CNTN5: variants seen among roughly 807,000 people sequenced by gnomAD.
The protein encoded by CNTN5 is contactin 5.
In CNTN5, 77 loss-of-function variants were observed where a neutral mutation model predicts 129.1. The observed-to-expected ratio is 0.60, with a 90% CI of 0.50 to 0.72. CNTN5 has a LOEUF of 0.72. Ranked by LOEUF, CNTN5 falls within the 30% of genes least tolerant of loss-of-function variation. CNTN5 has a pLI of 0.00. For missense variants in CNTN5, 1,478 were observed against 1,328.8 expected, an observed-to-expected ratio of 1.11 and a Z score of -1.75; for synonymous variants, 509 against 465.6, an observed-to-expected ratio of 1.09 and a Z score of -1.20.
chr11:99,658,633 A>C (rs2135907771), intron 3 of CNTN5, among the ~76,000 whole-genome samples: 1 of 148,934 alleles, frequency 6.7e-6, no homozygotes. Flanking sequence ...GCACTTTGGG[A>C]GGCTGAGACA....
intron 3 of CNTN5, among the ~76,000 whole-genome samples, chr11:99,670,797 T>A (rs1413982846): frequency 5.3e-5 from 8 of 152,188 alleles, no homozygotes; most frequent in Non-Finnish European, 1.0e-4. Flanking sequence ...TGCTGCCAAC[T>A]AACTGTGCTG....
At chr11:99,442,642 T>C (rs1168901149) in intron 2 of CNTN5, among the ~76,000 whole-genome samples, 1 of 152,238 alleles carries the variant, frequency 6.6e-6, no homozygotes, top group East Asian at 1.9e-4. Context: ...AATATGTCTG[T>C]GACTCCTGCA....
intron 16 of CNTN5, among the ~76,000 whole-genome samples, chr11:100,255,364 A>T (rs970161716): frequency 7.3e-6 from 1 of 137,646 alleles, no homozygotes; most frequent in Non-Finnish European, 1.6e-5. Context: ...TATTTTAGTA[A>T]GGATGAGATT....
intron 6 of CNTN5, among the ~76,000 whole-genome samples, chr11:99,877,554 C>T (rs1948665618): frequency 6.6e-6 from 1 of 152,096 alleles, no homozygotes; most frequent in Non-Finnish European, 1.5e-5. Flanking sequence ...TCTGCATTTC[C>T]AATCAACCAT....
At chr11:100,286,753 G>A (rs1369463624) in intron 18 of CNTN5, among the ~76,000 whole-genome samples, 6 of 145,276 alleles carry the variant, frequency 4.1e-5, no homozygotes, top group African/African-American at 1.6e-4. Context: ...AAAGCTGGAT[G>A]GAGAATGACT....
At chr11:99,518,250 T>C (rs7944648) in intron 2 of CNTN5, among the ~76,000 whole-genome samples, 13,346 of 152,112 alleles carry the variant, frequency 0.088, 799 homozygotes, top group African/African-American at 0.17. Flanking sequence ...CCAGTAGGTG[T>C]CATTCACAGG....
At chr11:100,200,425 G>C (rs139837056) in intron 15 of CNTN5, among the ~76,000 whole-genome samples, 1 of 151,932 alleles carries the variant, frequency 6.6e-6, no homozygotes, top group East Asian at 1.9e-4. Context: ...CTATATTGTC[G>C]TAGGTATACA....
intron 8 of CNTN5, among the ~76,000 whole-genome samples, chr11:99,981,076 G>GAATATATATA (rs1385717951): frequency 1.6e-4 from 2 of 12,334 alleles, no homozygotes; most frequent in African/African-American, 2.3e-4. Flanking sequence ...AGAGCCAATA[G>GAATATATATA]GATATATATA....
intron 1 of CNTN5, among the ~76,000 whole-genome samples, chr11:99,197,497 C>CATACA (rs1858962317): frequency 6.6e-6 from 1 of 152,030 alleles, no homozygotes. Context: ...TATGTATCTA[C>CATACA]TCAATAATAC....
At chr11:100,108,613 T>A (rs1349212275) in intron 13 of CNTN5, among the ~76,000 whole-genome samples, 1 of 152,196 alleles carries the variant, frequency 6.6e-6, no homozygotes. Context: ...TTGGAACACT[T>A]TCTCTTTGAG....
At chr11:99,785,883 C>T (rs1945503001) in intron 3 of CNTN5, among the ~76,000 whole-genome samples, 1 of 152,092 alleles carries the variant, frequency 6.6e-6, no homozygotes, top group Non-Finnish European at 1.5e-5. Context: ...TTATGACAAA[C>T]TCACAGCCAA....
At chr11:99,342,859 A>C (rs936466556) in intron 2 of CNTN5, among the ~76,000 whole-genome samples, 1 of 152,178 alleles carries the variant, frequency 6.6e-6, no homozygotes, top group African/African-American at 2.4e-5. Context: ...GACAAACTTA[A>C]GGTGTTGTTC....
chr11:99,089,113 A>G (rs1181517404), intron 1 of CNTN5, among the ~76,000 whole-genome samples: 1 of 152,140 alleles, frequency 6.6e-6, no homozygotes, highest in African/African-American at 2.4e-5. Flanking sequence ...ATATTAGTAA[A>G]TTCATGAGAG....
At chr11:100,158,400 A>C (rs2138346162) in intron 13 of CNTN5, among the ~76,000 whole-genome samples, 1 of 152,016 alleles carries the variant, frequency 6.6e-6, no homozygotes, top group Non-Finnish European at 1.5e-5. Context: ...CACACAAAAT[A>C]ACTTCAAGGT....
intron 20 of CNTN5, among the ~76,000 whole-genome samples, chr11:100,300,421 G>A (rs1951193674): frequency 6.6e-6 from 1 of 151,402 alleles, no homozygotes; most frequent in African/African-American, 2.4e-5. Context: ...CTGAGAAAAT[G>A]TTCTACCAAA....
In CNTN5 at chr11:100,185,586, C is replaced by T. The variant is rs181870795; in HGVS notation, c.1581-5540C>T. Among the ~76,000 whole-genome samples the T allele has an allele frequency of 1.5e-4, 23 of 152,252 alleles. No individual in the cohort carries two copies. The East Asian group carries it at 3.3e-3, about 22-fold the overall frequency. ...AATTTTTGGAAGCAGAGGAAGGACA[C>T]GTAATGGACTGAACTGTGTCCTCCC... On this transcript the variant is annotated intron_variant, in intron 13 of 24. Transcript: ENST00000524871.
intron 6 of CNTN5, among the ~76,000 whole-genome samples, chr11:99,912,645 G>GTT (rs11424813): frequency 0.091 from 12,951 of 142,106 alleles, 1,325 homozygotes; most frequent in African/African-American, 0.25. Context: ...GTTTTTCATA[G>GTT]TTTTTTTTTT....
intron 13 of CNTN5, among the ~76,000 whole-genome samples, chr11:100,083,472 C>G (rs1437747251): frequency 6.6e-6 from 1 of 152,066 alleles, no homozygotes; most frequent in Non-Finnish European, 1.5e-5. Context: ...TCCTACCAGG[C>G]CCCATCTCCA....
chr11:99,125,205 T>C (rs1424895229), intron 1 of CNTN5, among the ~76,000 whole-genome samples: 1 of 151,958 alleles, frequency 6.6e-6, no homozygotes, highest in Non-Finnish European at 1.5e-5. Context: ...TTAAAAATCA[T>C]CAACAAGGTA....
Sources: allele counts gnomAD v4.1 joint callset (sites outside exome capture counted in the v4.1 genomes callset), GRCh38; gene constraint gnomAD v4.1.1; transcripts MANE v1.5; gene names NCBI Gene and HGNC (gene_info 2026-07-23, HGNC 2026-07-21).